The following ACACA variants were observed in gnomAD, a reference collection of about 807,000 sequenced individuals.
The protein encoded by ACACA is acetyl-CoA carboxylase 1.
In ACACA, 103 loss-of-function variants were observed where a neutral mutation model predicts 296.1. The observed-to-expected ratio is 0.35, with a 90% CI of 0.30 to 0.41. ACACA has a LOEUF of 0.41. Among genes scored for constraint, ACACA ranks in the 10% least tolerant of loss-of-function variants. The pLI is 1.00. For missense variants in ACACA, 1,554 were observed against 2,989.7 expected (o/e 0.52, Z 11.20); for synonymous variants, 953 against 1,038.6 (o/e 0.92, Z 1.58).
At chr17:37,104,374 G>A (rs945576479) in intron 52 of ACACA, among the ~76,000 whole-genome samples, 11 of 152,208 alleles carry the variant, frequency 7.2e-5, no homozygotes, top group Admixed American at 7.2e-4. Flanking sequence ...GTTACTGTGT[G>A]CTGGTACTGT....
chr17:37,233,532 T>C (rs963614085), intron 25 of ACACA, among the ~76,000 whole-genome samples: 1 of 152,116 alleles, frequency 6.6e-6, no homozygotes, highest in African/African-American at 2.4e-5. Flanking sequence ...GTAATCACAA[T>C]AAAAAGAAAA....
chr17:37,244,548 C>T (rs551357501), intron 21 of ACACA, 40 bp downstream of exon 21: 1 of 1,609,536 alleles, frequency 6.2e-7, no homozygotes, highest in African/African-American at 1.3e-5. Context: ...GAATAGGTAT[C>T]CCATTTGTAC....
At position 37,191,186 on chromosome 17, in the gene ACACA, A is replaced by G. The variant is rs1320346736; in HGVS notation, c.4506T>C (p.Asn1502=). 12 of 1,614,114 alleles carry G rather than the reference A, an allele frequency of 7.4e-6. No individual in the cohort carries two copies. The South Asian group carries it at 8.8e-5, about 12-fold the overall frequency. The change falls in exon 38 of 56, where the codon AAT becomes AAC. Residue 1502 remains asparagine, a synonymous_variant. Transcript: ENST00000616317. ...DELEVAFNNT[N]VRTDCNHIFL... is the part of the protein sequence containing the mutation. ...AGATGTGGTTACAGTCAGTGCGGAC[A>G]TTTGTATTGTTAAAAGCAACTTCCA...
At position 37,291,092 on chromosome 17, in the gene ACACA, A is replaced by AG. The variant is rs1298004499; in HGVS notation, c.339-6123_339-6122insC. ...CAAGACTCTGTCTCAAAAAAAAAAA[A>AG]AAAAAGAAAAAGAAACACACTAACA... is the stretch of plus-strand genomic sequence containing the variant. On this transcript the variant is annotated intron_variant, in intron 3 of 55. Transcript: ENST00000616317. 2.0e-5 allele frequency among the ~76,000 whole-genome samples: 3 copies of AG among 150,718 alleles called. No individual in the cohort carries two copies. In the East Asian group the frequency reaches 5.8e-4, roughly 29 times the overall value.
intron 25 of ACACA, among the ~76,000 whole-genome samples, chr17:37,234,006 A>T (rs1200981238): frequency 3.9e-5 from 6 of 152,232 alleles, no homozygotes; most frequent in Admixed American, 3.9e-4. Flanking sequence ...CACTCTTGTT[A>T]ATCAGAGGTG....
intron 42 of ACACA, 76 bp from the exon 43 acceptor site, chr17:37,155,856 A>C: frequency 3.0e-6 from 3 of 1,002,050 alleles, no homozygotes; most frequent in Non-Finnish European, 4.7e-6. Context: ...AGCATACATA[A>C]TGAAGCTTGT....
intron 35 of ACACA, among the ~76,000 whole-genome samples, chr17:37,194,870 T>C (rs189661872): frequency 1.6e-3 from 238 of 152,248 alleles, no homozygotes; most frequent in African/African-American, 5.5e-3. Context: ...AAAAGCCTTT[T>C]TAAAGTGGAT....
intron 38 of ACACA, among the ~76,000 whole-genome samples, chr17:37,189,072 C>T (rs2077647736): frequency 6.6e-6 from 1 of 152,154 alleles, no homozygotes; most frequent in South Asian, 2.1e-4. Context: ...CTGCTAAGTC[C>T]ACCTAGGATT....
intron 3 of ACACA, chr17:37,299,868 C>G (rs1376604788): frequency 1.1e-6 from 1 of 895,562 alleles, no homozygotes; most frequent in East Asian, 1.2e-4. Flanking sequence ...GGGAGGAGCA[C>G]AGCTCGGTCT....
Position 37,257,786 on chromosome 17 carries a change from A to C in ACACA, c.1743T>G (p.Ala581=), listed in dbSNP as rs1215100280. 3 of 1,614,104 alleles carry C rather than the reference A, an allele frequency of 1.9e-6. No homozygotes were observed. The highest frequency in any genetic ancestry group is 2.5e-6 in the Non-Finnish European group (3 of 1,180,028). The change falls in exon 14 of 56, where the codon GCT becomes GCG. Residue 581 remains alanine (A), a synonymous_variant. Coordinates refer to ENST00000616317, the MANE Select transcript of ACACA (RefSeq NM_198834.3). ...NKNVWGYFSV[A]AAGGLHEFAD... is the part of the protein sequence containing the mutation. The stretch of plus-strand genomic sequence containing the variant: ...CAAATTCATGAAGTCCCCCTGCAGC[A>C]GCAACACTGAAATATCCCCAAACAT...
intron 44 of ACACA, 85 bp from the exon 45 acceptor site, chr17:37,150,059 A>G: frequency 5.1e-6 from 6 of 1,175,934 alleles, no homozygotes; most frequent in Non-Finnish European, 6.3e-6. Flanking sequence ...GTAAAATCCA[A>G]ATTAACAGAA....
chr17:37,162,707 G>A (rs746677637), intron 41 of ACACA: 43 of 244,354 alleles, frequency 1.8e-4, no homozygotes, highest in Middle Eastern at 3.2e-3. Flanking sequence ...TATGGTATGC[G>A]AATCTTGCAC....
intron 45 of ACACA, among the ~76,000 whole-genome samples, chr17:37,149,467 A>C (rs931370764): frequency 6.6e-6 from 1 of 152,226 alleles, no homozygotes; most frequent in African/African-American, 2.4e-5. Context: ...CTGTGTATAG[A>C]TCTCCTCACA....
At chr17:37,137,128 G>C (rs2075367715) in intron 45 of ACACA, among the ~76,000 whole-genome samples, 1 of 152,014 alleles carries the variant, frequency 6.6e-6, no homozygotes, top group African/African-American at 2.4e-5. Flanking sequence ...TTTAATTACT[G>C]GGTTGTTTTC....
chr17:37,132,600 T>C (rs977248135), intron 45 of ACACA, among the ~76,000 whole-genome samples: 8 of 152,152 alleles, frequency 5.3e-5, no homozygotes, highest in Non-Finnish European at 1.0e-4. Context: ...AAATCTGATA[T>C]TCACAATCTA....
intron 45 of ACACA, among the ~76,000 whole-genome samples, chr17:37,148,344 A>C (rs949622622): frequency 2.0e-5 from 3 of 151,982 alleles, no homozygotes; most frequent in Non-Finnish European, 4.4e-5. Flanking sequence ...CCAAAAAGGG[A>C]GGAAGACAGC....
In ACACA at chr17:37,120,479, G is replaced by T. The variant is rs1220515501; in HGVS notation, c.6274+876C>A. Among the ~76,000 whole-genome samples the T allele has an allele frequency of 4.0e-5, 6 of 151,164 alleles. No individual in the cohort carries two copies. In the South Asian group the frequency reaches 6.3e-4, roughly 16 times the overall value. ...AGGTTTCACCATGTTGACCAGGATG[G>T]TCTCAAACTCCTGGACCTCAAGTGA... On this transcript the variant is annotated intron_variant, in intron 50 of 55. Coordinates refer to ENST00000616317, the MANE Select transcript of ACACA (RefSeq NM_198834.3).
intron 45 of ACACA, among the ~76,000 whole-genome samples, chr17:37,132,182 T>A (rs1314549645): frequency 6.6e-6 from 1 of 152,238 alleles, no homozygotes; most frequent in Non-Finnish European, 1.5e-5. Flanking sequence ...TTTGACATTC[T>A]AGCAAATACA....
chr17:37,249,576 T>C (rs1490467305), intron 16 of ACACA, among the ~76,000 whole-genome samples: 1 of 152,226 alleles, frequency 6.6e-6, no homozygotes, highest in Non-Finnish European at 1.5e-5. Flanking sequence ...TATCTCATCA[T>C]GGTTTTGATT....
Sources: allele counts gnomAD v4.1 joint callset (sites outside exome capture counted in the v4.1 genomes callset), GRCh38; gene constraint gnomAD v4.1.1; transcripts MANE v1.5; gene names NCBI Gene and HGNC (gene_info 2026-07-23, HGNC 2026-07-21).